DPP10: variants seen among roughly 807,000 people sequenced by gnomAD.
The protein encoded by DPP10 is dipeptidyl peptidase like 10, also known as inactive dipeptidyl peptidase 10.
In DPP10, 33 loss-of-function variants were observed where a neutral mutation model predicts 120.9. The observed-to-expected ratio is 0.27, with a 90% CI of 0.21 to 0.37. DPP10 has a LOEUF of 0.37. Ranked by LOEUF, DPP10 falls within the 10% of genes least tolerant of loss-of-function variation. The pLI, the probability that DPP10 is intolerant of heterozygous loss-of-function variation, is 1.00. For synonymous variants in DPP10, 337 were observed against 326.1 expected (o/e 1.03, Z -0.36); for missense variants, 816 against 942.8 (o/e 0.87, Z 1.76).
chr2:115,212,027 C>T (rs1042991990), intron 1 of DPP10, among the ~76,000 whole-genome samples: 1 of 152,166 alleles, frequency 6.6e-6, no homozygotes, highest in Non-Finnish European at 1.5e-5. Context: ...GGGTGCATGT[C>T]TTAGCTCTGA....
intron 1 of DPP10, among the ~76,000 whole-genome samples, chr2:115,026,035 A>G (rs1703434426): frequency 6.6e-6 from 1 of 151,990 alleles, no homozygotes; most frequent in South Asian, 2.1e-4. Context: ...ATGTGATCCC[A>G]TTTGTTTATT....
chr2:115,009,925 A>T (rs1039829573), intron 1 of DPP10, among the ~76,000 whole-genome samples: 1 of 152,200 alleles, frequency 6.6e-6, no homozygotes, highest in Non-Finnish European at 1.5e-5. Context: ...TGGTATGATA[A>T]GTACTGTAAC....
chr2:115,236,090 C>G (rs545274009), intron 1 of DPP10, among the ~76,000 whole-genome samples: 1 of 152,160 alleles, frequency 6.6e-6, no homozygotes, highest in East Asian at 1.9e-4. Flanking sequence ...AAACACACAC[C>G]AAGATTCTCT....
At chr2:115,150,594 G>A (rs1206551634) in intron 1 of DPP10, among the ~76,000 whole-genome samples, 1 of 152,124 alleles carries the variant, frequency 6.6e-6, no homozygotes, top group African/African-American at 2.4e-5. Context: ...AGATAATATA[G>A]CTGTTATGTA....
chr2:114,819,905 G>A (rs115172125), intron 1 of DPP10, among the ~76,000 whole-genome samples: 1,616 of 152,236 alleles, frequency 0.011, 28 homozygotes, highest in African/African-American at 0.037. Flanking sequence ...ATTAATGTAC[G>A]GCCATTTTGG....
intron 12 of DPP10, among the ~76,000 whole-genome samples, chr2:115,764,296 T>A (rs935522459): frequency 4.6e-5 from 7 of 152,270 alleles, no homozygotes; most frequent in Non-Finnish European, 1.0e-4. Flanking sequence ...AATAATTGTT[T>A]GTCTGAAGGG....
At chr2:114,690,763 C>T (rs902394213) in intron 1 of DPP10, among the ~76,000 whole-genome samples, 2 of 152,066 alleles carry the variant, frequency 1.3e-5, no homozygotes, top group African/African-American at 4.8e-5. Context: ...TTTCCTTGAG[C>T]AGTGGTTTGT....
chr2:114,702,209 GT>G (rs1293364311), intron 1 of DPP10, among the ~76,000 whole-genome samples: 3 of 152,120 alleles, frequency 2.0e-5, no homozygotes, highest in Non-Finnish European at 2.9e-5. Flanking sequence ...TAGGTATTCA[GT>G]ACAAATATAT....
chr2:115,251,873 A>G (rs756897927), intron 1 of DPP10, among the ~76,000 whole-genome samples: 4 of 152,252 alleles, frequency 2.6e-5, no homozygotes, highest in Non-Finnish European at 4.4e-5. Context: ...AGAATGTGAC[A>G]AAAGCATAGG....
intron 1 of DPP10, among the ~76,000 whole-genome samples, chr2:114,856,936 A>G (rs1689415248): frequency 6.6e-6 from 1 of 152,224 alleles, no homozygotes; most frequent in African/African-American, 2.4e-5. Context: ...GTCCATTACA[A>G]TAAATACAAT....
intron 1 of DPP10, among the ~76,000 whole-genome samples, chr2:114,505,177 T>A (rs1189036461): frequency 1.4e-5 from 2 of 147,238 alleles, no homozygotes; most frequent in Non-Finnish European, 3.0e-5. Flanking sequence ...AATAAAAAAA[T>A]ATAGACCCAA....
chr2:114,797,063 G>T (rs921407247), intron 1 of DPP10, among the ~76,000 whole-genome samples: 1 of 152,186 alleles, frequency 6.6e-6, no homozygotes, highest in Non-Finnish European at 1.5e-5. Context: ...AGCAAGTCAA[G>T]ATTAGTTTTC....
At chr2:115,012,243 C>G (rs546705437) in intron 1 of DPP10, among the ~76,000 whole-genome samples, 186 of 152,218 alleles carry the variant, frequency 1.2e-3, no homozygotes, top group African/African-American at 4.4e-3. Flanking sequence ...CCCTTGGGAG[C>G]TGTATGGCCC....
chr2:115,364,100 G>A lies in DPP10; in HGVS notation c.271+20188G>A, dbSNP rs560537224. 2.0e-5 allele frequency among the ~76,000 whole-genome samples: 3 copies of A among 152,110 alleles called. No individual in the cohort carries two copies. In the East Asian group the frequency reaches 5.8e-4, roughly 30 times the overall value. ...AAAATATTTCATGGAATTATCCTAG[G>A]TGGCGTCTAGGTTCAAAGAATGTAA... is the stretch of plus-strand genomic sequence containing the variant. On this transcript the variant is annotated intron_variant, in intron 3 of 25. Coordinates refer to ENST00000410059, the MANE Select transcript of DPP10 (RefSeq NM_020868.6).
At chr2:114,609,527 A>C (rs2105275565) in intron 1 of DPP10, among the ~76,000 whole-genome samples, 1 of 152,284 alleles carries the variant, frequency 6.6e-6, no homozygotes, top group Admixed American at 6.5e-5. Flanking sequence ...CAGGAGGTGA[A>C]GCCAAGAGGA....
intron 2 of DPP10, among the ~76,000 whole-genome samples, chr2:115,313,350 G>A (rs576495236): frequency 4.6e-5 from 7 of 152,286 alleles, no homozygotes; most frequent in African/African-American, 9.6e-5. Flanking sequence ...TTGCTAAAAT[G>A]TGAGGTGATC....
intron 3 of DPP10, among the ~76,000 whole-genome samples, chr2:115,450,724 G>A (rs1187680750): frequency 6.6e-6 from 1 of 151,774 alleles, no homozygotes; most frequent in African/African-American, 2.4e-5. Flanking sequence ...TTAGCAGCTT[G>A]AAGAAGCTGC....
chr2:114,836,135 C>A (rs145569190), intron 1 of DPP10, among the ~76,000 whole-genome samples: 19 of 152,256 alleles, frequency 1.2e-4, no homozygotes, highest in Admixed American at 7.2e-4. Flanking sequence ...ACCTAAAATA[C>A]CCCTTTCTCA....
intron 1 of DPP10, among the ~76,000 whole-genome samples, chr2:115,058,145 C>G (rs564667000): frequency 6.6e-6 from 1 of 152,118 alleles, no homozygotes; most frequent in Non-Finnish European, 1.5e-5. Context: ...CCAGACTCTG[C>G]GAGAACATTC....
Sources: gnomAD v4.1 joint callset for allele counts (sites outside exome capture counted in the v4.1 genomes callset) on GRCh38, gnomAD v4.1.1 for gene constraint, MANE v1.5 for transcripts, NCBI Gene and HGNC (gene_info 2026-07-23, HGNC 2026-07-21) for gene names.